GALK2: variants seen among roughly 807,000 people sequenced by gnomAD.
GALK2 encodes the protein galactokinase 2.
A neutral mutation model predicts 52.4 loss-of-function variants in GALK2; 36 were observed. The observed-to-expected ratio is 0.69, with a 90% confidence interval of 0.53 to 0.91. The LOEUF (loss-of-function observed/expected upper bound fraction) is 0.91, where lower values mean the gene tolerates loss of function less well. Among genes scored for constraint, GALK2 ranks in the 40% least tolerant of loss-of-function variants. The pLI is 0.00. For synonymous variants in GALK2, 176 were observed against 199.1 expected (o/e 0.88, Z 0.98); for missense variants, 579 against 559.1 (o/e 1.04, Z -0.36).
intron 1 of GALK2, among the ~76,000 whole-genome samples, chr15:49,171,681 G>C (rs1276673024): frequency 6.6e-6 from 1 of 151,808 alleles, no homozygotes; most frequent in South Asian, 2.1e-4. Context: ...TTATATATTT[G>C]AATTAATTAA....
intron 8 of GALK2, among the ~76,000 whole-genome samples, chr15:49,310,492 C>T (rs1414967797): frequency 6.6e-6 from 1 of 152,188 alleles, no homozygotes; most frequent in Non-Finnish European, 1.5e-5. Flanking sequence ...TACTAATTTA[C>T]ATTCGCACCA....
At chr15:49,258,792 ATATGTG>A (rs1251311318) in intron 5 of GALK2, among the ~76,000 whole-genome samples, 4,477 of 130,006 alleles carry the variant, frequency 0.034, 109 homozygotes, top group East Asian at 0.11. Flanking sequence ...ATATATATAT[ATATGTG>A]TGTGTGTGTG....
chr15:49,294,087 C>CAAATAAATAAAT lies in GALK2; in HGVS notation c.967+1581_967+1592dup, dbSNP rs201999229. Reference sequence around the variant, plus strand: ...TGCACTCCAGGGGGAGACCCTGTCTCAAATAAATAAATAAATAAATAAATA... The same window carrying CAAATAAATAAAT: ...TGCACTCCAGGGGGAGACCCTGTCTCAAATAAATAAATAAATAAATAAATAAATAAATAAATA... On this transcript the variant is annotated intron_variant, in intron 8 of 9. Coordinates refer to ENST00000560031, the MANE Select transcript of GALK2 (RefSeq NM_002044.4). Among the ~76,000 whole-genome samples, 812 of 131,050 alleles carry CAAATAAATAAAT rather than the reference C, an allele frequency of 6.2e-3. 5 individuals carry two copies. Among genetic ancestry groups the CAAATAAATAAAT allele is most frequent in the Middle Eastern group, 0.011 (3 of 268 alleles). 86.0% of individuals were successfully genotyped at this position (131,050 alleles called of 152,430 possible). A position where few individuals can be genotyped will look rare whatever the true frequency, so the allele number is the denominator to read the frequency against.
chr15:49,225,365 G>C, intron 3 of GALK2: 1 of 392,334 alleles, frequency 2.5e-6, no homozygotes, highest in Admixed American at 3.0e-5. Flanking sequence ...TGGTGGGTGA[G>C]TGAGCATTAT....
intron 5 of GALK2, among the ~76,000 whole-genome samples, chr15:49,270,133 T>C (rs2030219585): frequency 6.6e-6 from 1 of 152,258 alleles, no homozygotes; most frequent in South Asian, 2.1e-4. Context: ...GTGCCTATTT[T>C]CTTTATGTTT....
intron 7 of GALK2, among the ~76,000 whole-genome samples, chr15:49,288,869 A>T (rs576931631): frequency 1.8e-4 from 27 of 152,334 alleles, no homozygotes; most frequent in African/African-American, 6.5e-4. Flanking sequence ...GTACTAGAGT[A>T]TCAGTGAGGA....
intron 1 of GALK2, among the ~76,000 whole-genome samples, chr15:49,157,486 G>A (rs987951177): frequency 6.6e-5 from 10 of 152,134 alleles, no homozygotes; most frequent in Non-Finnish European, 4.4e-5. Flanking sequence ...GTAATTAGTG[G>A]TGTTTACGAA....
At chr15:49,285,626 A>C (rs1641190012) in intron 7 of GALK2, among the ~76,000 whole-genome samples, 2 of 152,128 alleles carry the variant, frequency 1.3e-5, no homozygotes, top group African/African-American at 4.8e-5. Context: ...ACTTGAATGA[A>C]TCATAGACCT....
downstream of GALK2, among the ~76,000 whole-genome samples, chr15:49,332,966 C>T (rs982363188): frequency 6.6e-6 from 1 of 151,760 alleles, no homozygotes; most frequent in East Asian, 1.9e-4. Context: ...TTGCTGATTG[C>T]TCTTTAGGCT....
chr15:49,291,635 GT>G (rs1231031650), intron 7 of GALK2, among the ~76,000 whole-genome samples: 1 of 152,122 alleles, frequency 6.6e-6, no homozygotes, highest in Non-Finnish European at 1.5e-5. Context: ...CTGGATTGGG[GT>G]TCCCATGGGT....
chr15:49,281,592 CTG>C (rs1567016438), intron 5 of GALK2, among the ~76,000 whole-genome samples: 1 of 152,124 alleles, frequency 6.6e-6, no homozygotes, highest in Non-Finnish European at 1.5e-5. Flanking sequence ...TATGGGTAGA[CTG>C]TGGAATAGTA....
chr15:49,295,528 A>T (rs976201590), intron 8 of GALK2, among the ~76,000 whole-genome samples: 15 of 152,192 alleles, frequency 9.9e-5, no homozygotes, highest in Admixed American at 9.2e-4. Flanking sequence ...AAATGATTTT[A>T]AAAGAGTCAT....
intron 3 of GALK2, among the ~76,000 whole-genome samples, chr15:49,363,023 T>C (rs1460208649): frequency 6.6e-6 from 1 of 152,218 alleles, no homozygotes; most frequent in East Asian, 1.9e-4. Context: ...TTGGTTACTG[T>C]AGCCTTGTAG....
At chr15:49,318,393 C>T (rs1293152273) in intron 8 of GALK2, among the ~76,000 whole-genome samples, 2 of 151,896 alleles carry the variant, frequency 1.3e-5, no homozygotes, top group African/African-American at 4.8e-5. Flanking sequence ...GCTTTCCTAT[C>T]AGTTTTTTAA....
intron 5 of GALK2, among the ~76,000 whole-genome samples, chr15:49,268,567 T>G (rs1307574811): frequency 6.6e-6 from 1 of 152,214 alleles, no homozygotes. Flanking sequence ...TGGTGTAATG[T>G]AAGGACAGTG....
intron 3 of GALK2, among the ~76,000 whole-genome samples, chr15:49,364,220 TC>T (rs1053137500): frequency 2.0e-5 from 3 of 152,174 alleles, no homozygotes; most frequent in African/African-American, 7.2e-5. Context: ...CTGGTGGAAT[TC>T]AGCTGTGAAT....
chr15:49,291,046 C>T (rs1595983587), intron 7 of GALK2, among the ~76,000 whole-genome samples: 1 of 152,152 alleles, frequency 6.6e-6, no homozygotes, highest in East Asian at 1.9e-4. Flanking sequence ...ACCTCTGCCT[C>T]CTGGGTTCAA....
chr15:49,224,657 G>A (rs1356688935), intron 3 of GALK2, among the ~76,000 whole-genome samples: 1 of 152,052 alleles, frequency 6.6e-6, no homozygotes, highest in African/African-American at 2.4e-5. Context: ...CTTTATTTCT[G>A]GGTTTTCTAT....
chr15:49,298,371 A>T (rs2034667396), intron 8 of GALK2, among the ~76,000 whole-genome samples: 1 of 152,096 alleles, frequency 6.6e-6, no homozygotes, highest in Non-Finnish European at 1.5e-5. Context: ...GTAGAGAGAT[A>T]GTTTGACTTC....
Sources: gnomAD v4.1 joint callset for allele counts (sites outside exome capture counted in the v4.1 genomes callset) on GRCh38, gnomAD v4.1.1 for gene constraint, MANE v1.5 for transcripts, NCBI Gene and HGNC (gene_info 2026-07-23, HGNC 2026-07-21) for gene names.